The following GIT2 variants were observed in gnomAD, a reference collection of about 807,000 sequenced individuals.
The protein encoded by GIT2 is GIT ArfGAP 2, also known as ARF GTPase-activating protein GIT2.
Under a neutral mutation model 100.3 loss-of-function variants are expected in GIT2, and 32 were observed. That is an observed-to-expected ratio of 0.32 (90% CI 0.24 to 0.43). The LOEUF is 0.43. GIT2 is among the 20% of genes least tolerant of loss of function. The probability of loss-of-function intolerance (pLI) is 1.00; values close to 1 mark genes in which losing one functional copy is unlikely to be tolerated. For missense variants in GIT2, 737 were observed against 975.1 expected, an observed-to-expected ratio of 0.76 and a Z score of 3.25; for synonymous variants, 353 against 364.1, an observed-to-expected ratio of 0.97 and a Z score of 0.35.
Position 109,932,798 on chromosome 12 carries a change from T to G in GIT2, c.*180A>C, listed in dbSNP as rs185661299. ...GCAAATAGGCACAAAATAAGGCAAG[T>G]GGGTTAAATAGTTGAAAATTGGTTA... On this transcript the variant is annotated 3_prime_UTR_variant, in exon 20 of 20. Transcript: ENST00000355312. 3 of 561,528 alleles carry G rather than the reference T, an allele frequency of 5.3e-6. No individual in the cohort carries two copies. In the East Asian group the frequency reaches 8.8e-5, roughly 16 times the overall value. 34.8% of individuals were successfully genotyped at this position (561,528 alleles called of 1,614,324 possible). A position where few individuals can be genotyped will look rare whatever the true frequency, so the allele number is the denominator to read the frequency against.
intron 6 of GIT2, 61 bp from the exon 7 acceptor site, chr12:109,981,107 G>T: frequency 9.4e-7 from 1 of 1,066,548 alleles, no homozygotes; most frequent in Non-Finnish European, 1.5e-6. Flanking sequence ...TTAAAATGGA[G>T]TACAAAGACG....
At chr12:109,941,099 G>C (rs182921010) in intron 16 of GIT2, among the ~76,000 whole-genome samples, 4 of 151,978 alleles carry the variant, frequency 2.6e-5, no homozygotes, top group African/African-American at 9.7e-5. Context: ...CTCCTCTGTC[G>C]GCTGAGGTCT....
chr12:109,988,937 T>C, intron 4 of GIT2, 26 bp downstream of exon 4: 2 of 1,305,140 alleles, frequency 1.5e-6, no homozygotes, highest in East Asian at 2.3e-5. Flanking sequence ...CCCGCTCTTT[T>C]AGGGATTTTA....
chr12:109,965,647 C>T, intron 8 of GIT2, 70 bp from the exon 9 acceptor site: 2 of 960,910 alleles, frequency 2.1e-6, no homozygotes, highest in Non-Finnish European at 3.4e-6. Context: ...AAGTTTAAGA[C>T]ACCCAAGAGA....
At position 109,953,216 on chromosome 12, in the gene GIT2, A is replaced by C. The variant is rs760116107; in HGVS notation, c.1118T>G (p.Leu373Arg). Reference protein sequence around the residue: ...SGSKDNVELILKTINNQHSVE... With the variant: ...SGSKDNVELIRKTINNQHSVE... Reference sequence around the variant, plus strand: ...GCTGTGCTGGTTATTGATGGTTTTCAGTATGAGCTCCACATTGTCTATCAA... The same window carrying C: ...GCTGTGCTGGTTATTGATGGTTTTCCGTATGAGCTCCACATTGTCTATCAA... The change falls in exon 13 of 20, where the codon CTG becomes CGG. Residue 373 changes from leucine to arginine, a missense_variant. Around this residue, in one of 3 missense-constraint regions of GIT2, gnomAD observed 451 missense variants for 543.7 expected, o/e 0.83. Transcript: ENST00000355312. 34 of 1,613,908 alleles carry C rather than the reference A, an allele frequency of 2.1e-5. No individual in the cohort carries two copies. Among genetic ancestry groups the C allele is most frequent in the African/African-American group, 4.0e-5 (3 of 74,926 alleles).
In GIT2 at chr12:109,965,547, A is replaced by T. The variant is rs1882118691; in HGVS notation, c.795T>A (p.Ala265=). 6.3e-7 allele frequency: 1 copy of T among 1,598,942 alleles called. No homozygotes were observed. The highest frequency in any genetic ancestry group is 1.1e-5 in the South Asian group (1 of 89,914). ...SSLDLSELAK[A]AKKKLQSLSN... ...TCACAGATTGAAGTTTCTTCTTAGCAGCTTTTGCCAATTCAGACAAATCCA... is the reference window on the plus strand; with the variant it reads ...TCACAGATTGAAGTTTCTTCTTAGCTGCTTTTGCCAATTCAGACAAATCCA... Residue 265 remains alanine, a synonymous_variant, in exon 9 of 20, where the codon GCT becomes GCA. Transcript: ENST00000355312.
intron 4 of GIT2, among the ~76,000 whole-genome samples, chr12:109,985,604 C>G (rs912647541): frequency 2.0e-5 from 3 of 152,010 alleles, no homozygotes; most frequent in Non-Finnish European, 4.4e-5. Flanking sequence ...AATCCCAGTA[C>G]TTTGGGAGGC....
At chr12:109,973,055 T>C (rs948813441) in intron 7 of GIT2, among the ~76,000 whole-genome samples, 1 of 151,934 alleles carries the variant, frequency 6.6e-6, no homozygotes, top group Non-Finnish European at 1.5e-5. Flanking sequence ...CGCAAACTCT[T>C]GGCCTCAAAC....
intron 4 of GIT2, among the ~76,000 whole-genome samples, chr12:109,984,923 A>G (rs1390093522): frequency 6.6e-6 from 1 of 152,152 alleles, no homozygotes; most frequent in Non-Finnish European, 1.5e-5. Context: ...CTACCACATT[A>G]TTCTTGGCCT....
At chr12:109,992,140 CTTTT>C (rs35643426) in intron 1 of GIT2, 5 of 92,186 alleles carry the variant, frequency 5.4e-5, no homozygotes, top group South Asian at 3.8e-4. Flanking sequence ...CAAGATAATA[CTTTT>C]TTTTTTTTTT....
intron 15 of GIT2, among the ~76,000 whole-genome samples, chr12:109,946,937 G>C (rs182042736): frequency 7.4e-4 from 113 of 152,276 alleles, no homozygotes; most frequent in Non-Finnish European, 3.1e-4. Flanking sequence ...TTTGGAAGTA[G>C]AGAAGGAAGG....
At chr12:109,976,629 C>G (rs1231996857) in intron 7 of GIT2, among the ~76,000 whole-genome samples, 1 of 147,882 alleles carries the variant, frequency 6.8e-6, no homozygotes, top group Non-Finnish European at 1.5e-5. Context: ...CTCCCTGTCG[C>G]CCAGGCAGGA....
chr12:109,952,875 A>T (rs1456506059), intron 13 of GIT2: 2 of 591,596 alleles, frequency 3.4e-6, no homozygotes, highest in Non-Finnish European at 6.0e-6. Flanking sequence ...TGAATGAATA[A>T]AACACACCAA....
chr12:109,951,467 C>T, intron 13 of GIT2, 151 bp from the exon 14 acceptor site: 1 of 636,228 alleles, frequency 1.6e-6, no homozygotes, highest in South Asian at 1.9e-5. Flanking sequence ...AAAACTAAAA[C>T]ATAAAAGTAG....
At position 109,953,152 on chromosome 12, in the gene GIT2, G is replaced by A. The variant is rs776840737; in HGVS notation, c.1182C>T (p.Ser394=). The change falls in exon 13 of 20, where the codon AGC becomes AGT. Residue 394 remains serine (S), a synonymous_variant. Transcript: ENST00000355312. ...AATCTGTGTCTTCGTCTGATGCCACGCTGTCATAGTCGGGCTGATCGTTGT... is the reference window on the plus strand; with the variant it reads ...AATCTGTGTCTTCGTCTGATGCCACACTGTCATAGTCGGGCTGATCGTTGT... ...SQDNDQPDYD[S]VASDEDTDLE... 2.7e-5 allele frequency: 43 copies of A among 1,613,792 alleles called. No individual in the cohort carries two copies. Among genetic ancestry groups the A allele is most frequent in the African/African-American group, 5.3e-5 (4 of 74,894 alleles).
intron 14 of GIT2, 103 bp downstream of exon 14, chr12:109,951,063 CA>C: frequency 1.0e-6 from 1 of 976,208 alleles, no homozygotes; most frequent in South Asian, 1.5e-5. Flanking sequence ...AAGGCTGTTA[CA>C]ATAACTGTTT....
At chr12:109,987,362 C>T (rs901189067) in intron 4 of GIT2, among the ~76,000 whole-genome samples, 7 of 151,250 alleles carry the variant, frequency 4.6e-5, no homozygotes, top group African/African-American at 7.3e-5. Context: ...CCAGCTTGGG[C>T]GACTGAGCAA....
intron 17 of GIT2, chr12:109,938,835 A>G: frequency 2.0e-6 from 1 of 506,090 alleles, no homozygotes; most frequent in East Asian, 3.3e-5. Context: ...GTTTGTTTAT[A>G]AAGCCATCCT....
intron 1 of GIT2, among the ~76,000 whole-genome samples, chr12:109,994,220 G>T (rs1333581968): frequency 6.6e-6 from 1 of 152,056 alleles, no homozygotes; most frequent in East Asian, 1.9e-4. Context: ...TAGCATCCTG[G>T]ATCAGAATCC....
Sources: allele counts gnomAD v4.1 joint callset (sites outside exome capture counted in the v4.1 genomes callset), GRCh38; gene constraint gnomAD v4.1.1; regional missense constraint gnomAD v4.1.1; transcripts MANE v1.5; gene names NCBI Gene and HGNC (gene_info 2026-07-23, HGNC 2026-07-21).